MAGI1: variants seen among roughly 807,000 people sequenced by gnomAD.
MAGI1 encodes membrane-associated guanylate kinase, WW and PDZ domain-containing protein 1.
Under a neutral mutation model 139.9 loss-of-function variants are expected in MAGI1, and 58 were observed. The observed-to-expected ratio is 0.41, with a 90% CI of 0.34 to 0.52. The LOEUF (loss-of-function observed/expected upper bound fraction) is 0.52. MAGI1 is among the 20% of genes least tolerant of loss of function. The probability of loss-of-function intolerance (pLI) is 0.12; values close to 1 mark genes in which losing one functional copy is unlikely to be tolerated. For missense variants in MAGI1, 1,874 were observed against 1,901.6 expected (o/e 0.99, Z 0.27); for synonymous variants, 812 against 737.9 (o/e 1.10, Z -1.63).
chr3:65,878,161 T>A (rs1019106548), intron 1 of MAGI1, among the ~76,000 whole-genome samples: 1 of 151,316 alleles, frequency 6.6e-6, no homozygotes, highest in Non-Finnish European at 1.5e-5. Context: ...AAAACCACAC[T>A]GGGCTTTGGC....
chr3:66,028,613 T>C (rs1263699482), intron 1 of MAGI1, among the ~76,000 whole-genome samples: 1 of 152,074 alleles, frequency 6.6e-6, no homozygotes, highest in African/African-American at 2.4e-5. Context: ...AGAATCATCG[T>C]TGATGGTAAA....
intron 1 of MAGI1, among the ~76,000 whole-genome samples, chr3:65,804,999 G>C (rs2040760338): frequency 6.6e-6 from 1 of 152,114 alleles, no homozygotes; most frequent in Non-Finnish European, 1.5e-5. Context: ...AGAAAATCTA[G>C]GCAATATGAT....
intron 12 of MAGI1, among the ~76,000 whole-genome samples, chr3:65,423,410 T>A (rs1946781372): frequency 6.7e-6 from 1 of 149,210 alleles, no homozygotes; most frequent in African/African-American, 2.4e-5. Flanking sequence ...AGAGAAGAGC[T>A]AATGCTAATG....
At chr3:65,568,666 T>C (rs191177205) in intron 2 of MAGI1, among the ~76,000 whole-genome samples, 10 of 152,312 alleles carry the variant, frequency 6.6e-5, no homozygotes, top group Admixed American at 1.3e-4. Flanking sequence ...GGGTGCTGTA[T>C]GTTGGCTCCC....
chr3:65,885,125 GC>G (rs2060480889), intron 1 of MAGI1, among the ~76,000 whole-genome samples: 1 of 152,074 alleles, frequency 6.6e-6, no homozygotes, highest in South Asian at 2.1e-4. Context: ...CAGGTCGGGC[GC>G]AGCAGCTCAC....
chr3:65,509,864 C>T (rs1299078840), intron 2 of MAGI1, among the ~76,000 whole-genome samples: 1 of 152,126 alleles, frequency 6.6e-6, no homozygotes, highest in Non-Finnish European at 1.5e-5. Flanking sequence ...CACAGACAAA[C>T]AAAAAGACAG....
At chr3:65,361,146 A>C (rs1940815831) in intron 22 of MAGI1, 53 bp downstream of exon 22, 1 of 1,613,898 alleles carries the variant, frequency 6.2e-7, no homozygotes, top group Non-Finnish European at 8.5e-7. Context: ...TCTGGAGACA[A>C]ATTCATGGAG....
At chr3:65,714,133 A>G (rs6781638) in intron 1 of MAGI1, among the ~76,000 whole-genome samples, 4,041 of 152,212 alleles carry the variant, frequency 0.027, 184 homozygotes, top group African/African-American at 0.091. Flanking sequence ...TAACCCATGT[A>G]AAGCGTGTTC....
chr3:65,611,543 A>G (rs1576475840), intron 2 of MAGI1, among the ~76,000 whole-genome samples: 1 of 146,206 alleles, frequency 6.8e-6, no homozygotes, highest in East Asian at 2.0e-4. Context: ...CTCTATATAT[A>G]CTATATACTG....
chr3:65,373,134 T>A (rs1942165387), intron 18 of MAGI1, among the ~76,000 whole-genome samples: 2 of 152,214 alleles, frequency 1.3e-5, no homozygotes, highest in South Asian at 2.1e-4. Flanking sequence ...TCCCTCACTA[T>A]GCTTAATCAT....
At chr3:65,700,453 A>G (rs1483773249) in intron 1 of MAGI1, among the ~76,000 whole-genome samples, 1 of 151,986 alleles carries the variant, frequency 6.6e-6, no homozygotes, top group East Asian at 1.9e-4. Flanking sequence ...CCATCTCAAA[A>G]TAAATAAATA....
intron 1 of MAGI1, among the ~76,000 whole-genome samples, chr3:65,970,192 A>G (rs764064801): frequency 3.3e-5 from 5 of 152,248 alleles, no homozygotes; most frequent in African/African-American, 1.2e-4. Context: ...ACATGCTACA[A>G]CGTGAATAAC....
At chr3:65,736,897 C>A (rs1425360805) in intron 1 of MAGI1, among the ~76,000 whole-genome samples, 2 of 152,184 alleles carry the variant, frequency 1.3e-5, no homozygotes, top group Non-Finnish European at 2.9e-5. Flanking sequence ...CAAAATTAAC[C>A]ATCTCACTAT....
chr3:65,489,092 G>A lies in MAGI1; in HGVS notation c.550+4420C>T, dbSNP rs756061254. Among the ~76,000 whole-genome samples, 8 of 152,182 alleles carry A rather than the reference G, an allele frequency of 5.3e-5. No individual in the cohort carries two copies. In the South Asian group the frequency reaches 1.7e-3, roughly 32 times the overall value. On this transcript the variant is annotated intron_variant, in intron 3 of 22. Transcript: ENST00000402939. Reference sequence around the variant, plus strand: ...TTTGATTTACCATGTGAACTAAGAAGAGATTACTGGCATTTCTGGGCCTCA... The same window carrying A: ...TTTGATTTACCATGTGAACTAAGAAAAGATTACTGGCATTTCTGGGCCTCA...
intron 2 of MAGI1, among the ~76,000 whole-genome samples, chr3:65,517,101 A>C (rs960300868): frequency 8.5e-5 from 13 of 152,060 alleles, no homozygotes; most frequent in African/African-American, 3.1e-4. Context: ...TAAGCTCTAA[A>C]ATTTTACACT....
chr3:65,635,923 T>C (rs2084590116), intron 1 of MAGI1, among the ~76,000 whole-genome samples: 1 of 152,220 alleles, frequency 6.6e-6, no homozygotes, highest in African/African-American at 2.4e-5. Flanking sequence ...AGCATGCCAC[T>C]TCAATTTCTA....
intron 1 of MAGI1, among the ~76,000 whole-genome samples, chr3:65,752,653 T>C (rs538807546): frequency 6.6e-5 from 10 of 152,336 alleles, no homozygotes; most frequent in African/African-American, 2.4e-4. Context: ...AAAGACTCTC[T>C]ACTTGATCAA....
intron 2 of MAGI1, among the ~76,000 whole-genome samples, chr3:65,590,193 T>G (rs752125252): frequency 6.6e-6 from 1 of 152,162 alleles, no homozygotes; most frequent in Admixed American, 6.6e-5. Context: ...CCCCAGCACC[T>G]TGACATACTT....
Position 65,791,891 on chromosome 3 carries a change from G to C in MAGI1, c.314-169803C>G, listed in dbSNP as rs573022779. Among the ~76,000 whole-genome samples the C allele has an allele frequency of 3.3e-5, 5 of 152,218 alleles. No homozygotes were observed. The South Asian group carries it at 1.0e-3, about 32-fold the overall frequency. On this transcript the variant is annotated intron_variant, in intron 1 of 22. Coordinates refer to ENST00000402939, the MANE Select transcript of MAGI1 (RefSeq NM_001033057.2). Reference sequence around the variant, plus strand: ...ACCACAGGCAATGCAATTGCCTTCAGGTGCCTTTTCAAAACACAGATCTTA... The same window carrying C: ...ACCACAGGCAATGCAATTGCCTTCACGTGCCTTTTCAAAACACAGATCTTA...
Sources: allele counts gnomAD v4.1 joint callset (sites outside exome capture counted in the v4.1 genomes callset), GRCh38; gene constraint gnomAD v4.1.1; transcripts MANE v1.5; gene names NCBI Gene and HGNC (gene_info 2026-07-23, HGNC 2026-07-21).